Variants in U2SURP observed in about 807,000 individuals in gnomAD.
The protein encoded by U2SURP is U2 snRNP-associated SURP motif-containing protein.
In U2SURP, 9 loss-of-function variants were observed where a neutral mutation model predicts 144.9. The ratio of observed to expected loss-of-function variants is 0.06; its 90% CI spans 0.04 to 0.11. The LOEUF is 0.11. U2SURP is among the 10% of genes least tolerant of loss of function. U2SURP has a pLI of 1.00. For missense variants in U2SURP, 724 were observed against 1,226.7 expected, an observed-to-expected ratio of 0.59 and a Z score of 6.12; for synonymous variants, 408 against 396.8, an observed-to-expected ratio of 1.03 and a Z score of -0.33.
At chr3:143,030,691 AG>A (rs1933430942) in intron 16 of U2SURP, among the ~76,000 whole-genome samples, 1 of 152,176 alleles carries the variant, frequency 6.6e-6, no homozygotes, top group Non-Finnish European at 1.5e-5. Flanking sequence ...TGATTCCTCC[AG>A]TGGGTCTGGG....
intron 24 of U2SURP, 75 bp from the exon 25 acceptor site, chr3:143,050,864 T>C (rs1934822270): frequency 9.9e-7 from 1 of 1,007,090 alleles, no homozygotes. Flanking sequence ...TACTTTGCTA[T>C]AGAAAAGAAG....
intron 4 of U2SURP, among the ~76,000 whole-genome samples, chr3:143,014,862 G>T (rs1191634786): frequency 1.3e-5 from 2 of 151,928 alleles, no homozygotes; most frequent in Admixed American, 6.6e-5. Flanking sequence ...TCTATCGAGG[G>T]CATTTATGTT....
chr3:143,007,364 C>T (rs746203870), intron 1 of U2SURP, among the ~76,000 whole-genome samples: 28 of 151,240 alleles, frequency 1.9e-4, no homozygotes, highest in Admixed American at 3.3e-4. Flanking sequence ...CTCGAGCAGT[C>T]GTCCCACCTC....
chr3:143,055,242 G>A, intron 27 of U2SURP, 123 bp downstream of exon 27: 1 of 845,502 alleles, frequency 1.2e-6, no homozygotes, highest in Non-Finnish European at 1.8e-6. Flanking sequence ...GAAAACCAAA[G>A]AGATACACTT....
intron 1 of U2SURP, among the ~76,000 whole-genome samples, chr3:143,004,194 T>C (rs1935698824): frequency 6.6e-6 from 1 of 152,280 alleles, no homozygotes; most frequent in Non-Finnish European, 1.5e-5. Flanking sequence ...TCGTTTTCTT[T>C]GGTAGTTACA....
intron 24 of U2SURP, among the ~76,000 whole-genome samples, chr3:143,047,414 A>ACCTC: frequency 7.8e-5 from 1 of 12,772 alleles, no homozygotes; most frequent in Non-Finnish European, 1.4e-4. Flanking sequence ...GGCGCCCCTC[A>ACCTC]CCTCCCGGAC....
intron 16 of U2SURP, among the ~76,000 whole-genome samples, chr3:143,030,769 G>A (rs1578141450): frequency 6.6e-6 from 1 of 152,162 alleles, no homozygotes; most frequent in East Asian, 1.9e-4. Flanking sequence ...TTGTGGGCCA[G>A]GTGTGGTGGC....
intron 10 of U2SURP, 43 bp downstream of exon 10, chr3:143,021,598 T>A: frequency 6.5e-7 from 1 of 1,544,492 alleles, no homozygotes; most frequent in Non-Finnish European, 8.8e-7. Context: ...TGCTTTATGC[T>A]TTTGGAAGAA....
chr3:143,054,794 A>G lies in U2SURP; in HGVS notation c.2775-149A>G, dbSNP rs922214957. 9 of 744,330 alleles carry G rather than the reference A, an allele frequency of 1.2e-5. No individual in the cohort carries two copies. The African/African-American group carries it at 1.5e-4, about 12-fold the overall frequency. 46.1% of individuals were successfully genotyped at this position (744,330 alleles called of 1,614,324 possible). ...TCTTTAACACTTATTTGTTCTTGTT[A>G]CAAAGGACTTTGAGTATTGTTAAAA... On this transcript the variant is annotated intron_variant, in intron 26 of 27. Transcript: ENST00000473835.
chr3:143,046,296 TATTTTTTTTTA>T (rs1934443631), intron 24 of U2SURP, among the ~76,000 whole-genome samples: 1 of 55,954 alleles, frequency 1.8e-5, no homozygotes, highest in African/African-American at 1.3e-4. Context: ...GTTTATTTTT[TATTTTTTTTTA>T]TTTTTATTTT....
At chr3:143,038,320 A>AT in intron 22 of U2SURP, 117 bp downstream of exon 22, 1 of 713,284 alleles carries the variant, frequency 1.4e-6, no homozygotes, top group Non-Finnish European at 2.1e-6. Context: ...TTAATGCTCA[A>AT]TGTTGTCATA....
In U2SURP at chr3:143,035,837, A is replaced by G. The variant is rs1933781816; in HGVS notation, c.1942-145A>G. 5.5e-6 allele frequency: 4 copies of G among 723,166 alleles called. No homozygotes were observed. In the South Asian group the frequency reaches 1.1e-4, roughly 20 times the overall value. 44.8% of individuals were successfully genotyped at this position (723,166 alleles called of 1,614,324 possible). On this transcript the variant is annotated intron_variant, in intron 19 of 27. Transcript: ENST00000473835. ...ATTGATTTTTTTAAAAAATATGGTA[A>G]TGATATATAGTTATTTTCTTTAAAG... is the stretch of plus-strand genomic sequence containing the variant.
intron 1 of U2SURP, among the ~76,000 whole-genome samples, chr3:143,003,335 TTA>T (rs1935635253): frequency 1.3e-5 from 2 of 152,316 alleles, no homozygotes; most frequent in East Asian, 3.9e-4. Flanking sequence ...AGTGGGAAGA[TTA>T]TGAATTTTGT....
chr3:143,035,876 C>G (rs923030176), intron 19 of U2SURP, 106 bp from the exon 20 acceptor site: 68 of 1,180,774 alleles, frequency 5.8e-5, no homozygotes, highest in Non-Finnish European at 6.8e-5. Context: ...AAAAAAACAT[C>G]AGTTTAAAGG....
chr3:143,029,560 C>T (rs1371118448), intron 16 of U2SURP, among the ~76,000 whole-genome samples: 1 of 152,138 alleles, frequency 6.6e-6, no homozygotes, highest in Non-Finnish European at 1.5e-5. Flanking sequence ...AGCTGTTTTC[C>T]CTTAGGCCTC....
intron 24 of U2SURP, among the ~76,000 whole-genome samples, chr3:143,046,328 A>AT (rs1207414874): frequency 1.6e-3 from 55 of 34,744 alleles, no homozygotes; most frequent in East Asian, 5.9e-3. Flanking sequence ...TTTATTTTTT[A>AT]TTTTTTTTTT....
At position 143,058,078 on chromosome 3, in the gene U2SURP, C is replaced by A. The variant is rs368298057; in HGVS notation, c.*1628C>A. The stretch of plus-strand genomic sequence containing the variant: ...TTTGTTCAGAATAATTAAAAGTGAA[C>A]ATTTGGTGCTGATACTCAAAAACCT... On this transcript the variant is annotated 3_prime_UTR_variant, in exon 28 of 28. Coordinates refer to ENST00000473835, the MANE Select transcript of U2SURP (RefSeq NM_001080415.2). 3.3e-5 allele frequency: 5 copies of A among 152,400 alleles called. No homozygotes were observed. In the South Asian group the frequency reaches 1.0e-3, roughly 32 times the overall value. The allele number at this position is 152,400 out of a possible 1,614,324, so 9.4% of individuals were successfully genotyped here.
chr3:143,035,893 T>G (rs932946736), intron 19 of U2SURP, 89 bp from the exon 20 acceptor site: 1 of 1,389,294 alleles, frequency 7.2e-7, no homozygotes, highest in African/African-American at 1.5e-5. Flanking sequence ...AAGGCAAATT[T>G]AGCAAATCTT....
intron 13 of U2SURP, chr3:143,024,602 T>C (rs1933026498): frequency 8.0e-6 from 3 of 374,874 alleles, no homozygotes; most frequent in East Asian, 8.1e-5. Flanking sequence ...TTCAACACAC[T>C]ATTAAAGCAG....
Sources: allele counts gnomAD v4.1 joint callset (sites outside exome capture counted in the v4.1 genomes callset), GRCh38; gene constraint gnomAD v4.1.1; transcripts MANE v1.5; gene names NCBI Gene and HGNC (gene_info 2026-07-23, HGNC 2026-07-21).